Variants in MCM3AP observed in about 807,000 individuals in gnomAD.
MCM3AP encodes minichromosome maintenance complex component 3 associated protein.
In MCM3AP, 126 loss-of-function variants were observed where a neutral mutation model predicts 184.1. The observed-to-expected ratio is 0.68, with a 90% confidence interval of 0.59 to 0.79. The LOEUF (loss-of-function observed/expected upper bound fraction) is 0.79. MCM3AP is among the 30% of genes least tolerant of loss of function. MCM3AP has a pLI of 0.00. For synonymous variants in MCM3AP, 1,002 were observed against 979.3 expected, an observed-to-expected ratio of 1.02 and a Z score of -0.43; for missense variants, 2,496 against 2,479.2, an observed-to-expected ratio of 1.01 and a Z score of -0.14.
At chr21:46,249,653 C>T in intron 20 of MCM3AP, 2 of 442,108 alleles carry the variant, frequency 4.5e-6, no homozygotes, top group Non-Finnish European at 9.0e-6. Context: ...CCTCGCATGA[C>T]ATATAACATC....
At position 46,280,128 on chromosome 21, in the gene MCM3AP, T is replaced by A; in HGVS notation, c.1532A>T (p.Lys511Met). 1.2e-6 allele frequency: 2 copies of A among 1,614,194 alleles called. No individual in the cohort carries two copies. The highest frequency in any genetic ancestry group is 1.3e-5 in the African/African-American group (1 of 75,044). Residue 511 changes from lysine (K) to methionine (M), a missense_variant, in exon 4 of 28, where the codon AAG (lysine) becomes ATG (methionine). Physicochemically the swap from Lys to Met is moderately conservative, Grantham distance 95 (BLOSUM62 -1). Coordinates refer to ENST00000291688, the MANE Select transcript of MCM3AP (RefSeq NM_003906.5). ...FWHRKKISPN[K>M]KPFSLKEKKP... ...CTTCTCCTTCAGGGAAAAGGGTTTCTTATTGGGGCCTGTGGACATAGGAGG... is the reference window on the plus strand; with the variant it reads ...CTTCTCCTTCAGGGAAAAGGGTTTCATATTGGGGCCTGTGGACATAGGAGG...
At position 46,280,020 on chromosome 21, in the gene MCM3AP, G is replaced by A; in HGVS notation, c.1640C>T (p.Thr547Ile). 1.2e-6 allele frequency: 2 copies of A among 1,613,838 alleles called. No homozygotes were observed. Among genetic ancestry groups the A allele is most frequent in the Non-Finnish European group, 1.7e-6 (2 of 1,179,910 alleles). ...TTTATTCAGGAGGCTGCTAGCACCA[G>A]TCCTCCCTGCGGCCTTGCCAAGAGG... Reference protein sequence around the residue: ...HSPLGKAAGRTGASSLLNKSS... With the variant: ...HSPLGKAAGRIGASSLLNKSS... Residue 547 changes from threonine (T) to isoleucine (I), a missense_variant, in exon 4 of 28, where the codon ACT becomes ATT. Thr to Ile is a moderately conservative substitution (Grantham distance 89, BLOSUM62 -1). Around this residue, in one of 5 missense-constraint regions of MCM3AP, gnomAD observed 800 missense variants for 717.1 expected, o/e 1.12. Transcript: ENST00000291688.
chr21:46,272,540 C>A (rs376880918), intron 8 of MCM3AP, 21 bp downstream of exon 8: 5 of 1,607,928 alleles, frequency 3.1e-6, no homozygotes, highest in Non-Finnish European at 4.2e-6. Flanking sequence ...CTTAGGACAA[C>A]TTTTGGATGT....
Position 46,263,675 on chromosome 21 carries a change from G to A in MCM3AP, c.3335+442C>T, listed in dbSNP as rs17176499. On this transcript the variant is annotated intron_variant, in intron 13 of 27. Transcript: ENST00000291688. The stretch of plus-strand genomic sequence containing the variant: ...CCCACCTGTAATCTCAGCTACTCGG[G>A]AAGCTGAGGCAGAAGAATTGCTTGA... Among the ~76,000 whole-genome samples, 947 of 147,508 alleles carry A rather than the reference G, an allele frequency of 6.4e-3. 12 individuals are homozygous for A. Among genetic ancestry groups the A allele is most frequent in the African/African-American group, 0.022 (910 of 40,484 alleles).
chr21:46,260,797 A>C lies in MCM3AP; in HGVS notation c.3577T>G (p.Leu1193Val), dbSNP rs772228518. 1.9e-6 allele frequency: 3 copies of C among 1,611,860 alleles called. No individual in the cohort carries two copies. The Admixed American group carries it at 5.0e-5, about 27-fold the overall frequency. Residue 1193 changes from leucine (L) to valine (V), a missense_variant, in exon 15 of 28, where the codon TTG becomes GTG. Leu to Val is a conservative substitution (Grantham distance 32, BLOSUM62 1). Coordinates refer to ENST00000291688, the MANE Select transcript of MCM3AP (RefSeq NM_003906.5). ...AGACACCAGCGTTTCACTTACTTCA[A>C]CTCCTGGGAGCAGGTTTCCCTCACA... ...EFVRETCSQELKNAVETDQRV... is the reference protein window; with the variant it reads ...EFVRETCSQEVKNAVETDQRV...
intron 12 of MCM3AP, 125 bp from the exon 13 acceptor site, chr21:46,264,342 C>T (rs531025689): frequency 1.6e-6 from 1 of 621,298 alleles, no homozygotes. Flanking sequence ...GACACGGGGT[C>T]GGCTAGGCTG....
At chr21:46,239,679 G>A (rs762298646) in intron 26 of MCM3AP, among the ~76,000 whole-genome samples, 9 of 152,228 alleles carry the variant, frequency 5.9e-5, no homozygotes, top group Non-Finnish European at 1.3e-4. Flanking sequence ...GTGGAGTTCA[G>A]AGGTTTGAGA....
chr21:46,235,377 C>T lies in MCM3AP; in HGVS notation c.5834G>A (p.Cys1945Tyr). 5 of 1,614,164 alleles carry T rather than the reference C, an allele frequency of 3.1e-6. No homozygotes were observed. The highest frequency in any genetic ancestry group is 4.2e-6 in the Non-Finnish European group (5 of 1,180,012). ...QLQLSEATGT[C>Y]LGERLKHLER... ...CAGGTGCTTTAGTCGTTCGCCTAGA[C>T]ACGTTCCTGTCGCCTCTGACAGCTG... Residue 1945 changes from cysteine (C) to tyrosine (Y), a missense_variant, in exon 28 of 28, where the codon TGT (cysteine) becomes TAT (tyrosine). Coordinates refer to ENST00000291688, the MANE Select transcript of MCM3AP (RefSeq NM_003906.5).
In MCM3AP at chr21:46,259,022, C is replaced by T. The variant is rs780653195; in HGVS notation, c.3651G>A (p.Val1217=). 2 of 1,614,074 alleles carry T rather than the reference C, an allele frequency of 1.2e-6. No homozygotes were observed. The highest frequency in any genetic ancestry group is 1.7e-6 in the Non-Finnish European group (2 of 1,179,998). Residue 1217 remains valine, a synonymous_variant, in exon 16 of 28, where the codon GTG becomes GTA. Coordinates refer to ENST00000291688, the MANE Select transcript of MCM3AP (RefSeq NM_003906.5). ...RCCEDVCAHL[V]DLFLVEEIFQ... ...AGATTTCCTCCACGAGAAACAAGTC[C>T]ACTAAGTGGGCACAGACATCCTCAC...
intron 8 of MCM3AP, among the ~76,000 whole-genome samples, 181 bp from the exon 9 acceptor site, chr21:46,270,744 C>T (rs536256900): frequency 6.6e-6 from 1 of 152,240 alleles, no homozygotes; most frequent in African/African-American, 2.4e-5. Flanking sequence ...GTTGAGGCTG[C>T]AGTGAGCTGT....
chr21:46,278,679 C>T (rs973050437), intron 4 of MCM3AP, among the ~76,000 whole-genome samples: 4 of 149,930 alleles, frequency 2.7e-5, no homozygotes. Flanking sequence ...TAGGAGACAG[C>T]CTTTTTTTTT....
intron 19 of MCM3AP, chr21:46,253,730 A>G (rs1379735125): frequency 6.6e-6 from 1 of 151,702 alleles, no homozygotes; most frequent in Non-Finnish European, 1.5e-5. Flanking sequence ...GATCTGGTTA[A>G]GTGTGTGGCA....
intron 13 of MCM3AP, among the ~76,000 whole-genome samples, chr21:46,262,923 A>C (rs56381116): frequency 7.3e-6 from 1 of 136,922 alleles, no homozygotes; most frequent in African/African-American, 2.7e-5. Context: ...AGCCGAGATC[A>C]CGCCACTGCA....
intron 13 of MCM3AP, among the ~76,000 whole-genome samples, chr21:46,263,144 A>C (rs929551199): frequency 1.6e-3 from 240 of 150,200 alleles, no homozygotes; most frequent in Non-Finnish European, 3.1e-3. Context: ...CCTGGCTAAT[A>C]ATGGTGAAAC....
At chr21:46,257,721 G>A (rs942524403) in intron 16 of MCM3AP, among the ~76,000 whole-genome samples, 13 of 151,576 alleles carry the variant, frequency 8.6e-5, no homozygotes, top group African/African-American at 2.9e-4. Context: ...GAGTTCGAGA[G>A]CAGCCTGGCC....
In MCM3AP at chr21:46,273,505, G is replaced by C; in HGVS notation, c.2079C>G (p.Pro693=). The change falls in exon 7 of 28, where the codon CCC becomes CCG. Residue 693 remains proline, a synonymous_variant. Coordinates refer to ENST00000291688, the MANE Select transcript of MCM3AP (RefSeq NM_003906.5). The stretch of plus-strand genomic sequence containing the variant: ...CCATGGTCCTGCTGAGCACTGGCAA[G>C]GGCCGCAGCTCGTGGGGCAGGGGCT... ...QEEPLPHELR[P]LPVLSRTMDY... 2 of 1,613,928 alleles carry C rather than the reference G, an allele frequency of 1.2e-6. No individual in the cohort carries two copies. Among genetic ancestry groups the C allele is most frequent in the African/African-American group, 1.3e-5 (1 of 75,036 alleles).
intron 17 of MCM3AP, among the ~76,000 whole-genome samples, chr21:46,255,735 G>A (rs1375647079): frequency 6.6e-6 from 1 of 151,934 alleles, no homozygotes; most frequent in Non-Finnish European, 1.5e-5. Context: ...GGGGTGACAG[G>A]GCTATCACCA....
rs1421772641 is a variant in MCM3AP, at chr21:46,284,263, T to C, written c.1024A>G (p.Ile342Val). Residue 342 changes from isoleucine (I) to valine (V), a missense_variant, in exon 1 of 28, where the codon ATA (isoleucine) becomes GTA (valine). Around this residue, in one of 5 missense-constraint regions of MCM3AP, gnomAD observed 800 missense variants for 717.1 expected, o/e 1.12. Coordinates refer to ENST00000291688, the MANE Select transcript of MCM3AP (RefSeq NM_003906.5). ...PRGGTLFGRTIQDVFKSNKEV... is the reference protein window; with the variant it reads ...PRGGTLFGRTVQDVFKSNKEV... ...TTATTGCTTTTGAAAACATCCTGTATCGTCCGACCAAATAAAGTACCTCCC... is the reference window on the plus strand; with the variant it reads ...TTATTGCTTTTGAAAACATCCTGTACCGTCCGACCAAATAAAGTACCTCCC... 8.1e-6 allele frequency: 13 copies of C among 1,614,202 alleles called. No homozygotes were observed. Among genetic ancestry groups the C allele is most frequent in the Non-Finnish European group, 1.1e-5 (13 of 1,180,042 alleles).
rs1364500736 is a variant in MCM3AP at position 46,236,835 on chromosome 21, G to C, written c.5778C>G (p.Ser1926Arg). ...EPVMKTSVTT[S>R]PQSDMMREQL... is the part of the protein sequence containing the mutation. ...ATGTATACGTTCTTCTCACCTGTGG[G>C]CTAGTAGTTACAGATGTTTTCATCA... is the stretch of plus-strand genomic sequence containing the variant. The change falls in exon 27 of 28, where the codon AGC becomes AGG. Residue 1926 changes from serine (S) to arginine (R), a missense_variant. This residue lies in a region of MCM3AP where 1,323 missense variants were observed against 1,273.4 expected (regional missense o/e 1.04). Coordinates refer to ENST00000291688, the MANE Select transcript of MCM3AP (RefSeq NM_003906.5). 2 of 1,551,192 alleles carry C rather than the reference G, an allele frequency of 1.3e-6. No individual in the cohort carries two copies. The highest frequency in any genetic ancestry group is 2.8e-5 in the African/African-American group (2 of 71,090).
Sources: gnomAD v4.1 joint callset for allele counts (sites outside exome capture counted in the v4.1 genomes callset) on GRCh38, gnomAD v4.1.1 for gene constraint, gnomAD v4.1.1 regional missense constraint, MANE v1.5 for transcripts, NCBI Gene and HGNC (gene_info 2026-07-23, HGNC 2026-07-21) for gene names.